Variants in SYCP1 observed in about 807,000 individuals in gnomAD.
SYCP1 encodes the protein synaptonemal complex protein 1.
In SYCP1, 64 loss-of-function variants were observed where a neutral mutation model predicts 153.1. The observed-to-expected ratio is 0.42, with a 90% CI of 0.34 to 0.51. The LOEUF (loss-of-function observed/expected upper bound fraction) is 0.51. Among genes scored for constraint, SYCP1 ranks in the 20% least tolerant of loss-of-function variants. The pLI is 0.06. For missense variants in SYCP1, 997 were observed against 1,049.0 expected (o/e 0.95, Z 0.68); for synonymous variants, 384 against 341.8 (o/e 1.12, Z -1.36).
chr1:114,917,576 G>T (rs1033624089), intron 20 of SYCP1, among the ~76,000 whole-genome samples: 1 of 152,090 alleles, frequency 6.6e-6, no homozygotes, highest in Admixed American at 6.6e-5. Flanking sequence ...CATAGTGGTT[G>T]TACGAATTTA....
At chr1:114,887,744 G>A (rs1395069729) in intron 15 of SYCP1, 51 bp downstream of exon 15, 40 of 1,155,384 alleles carry the variant, frequency 3.5e-5, no homozygotes, top group Non-Finnish European at 4.5e-5. Flanking sequence ...ACTTATTATA[G>A]AATCATAAAC....
At chr1:114,892,737 G>A (rs546643866) in intron 15 of SYCP1, among the ~76,000 whole-genome samples, 1 of 152,098 alleles carries the variant, frequency 6.6e-6, no homozygotes, top group African/African-American at 2.4e-5. Flanking sequence ...GTTGGTAGGG[G>A]GCAGGGTTGC....
chr1:114,882,086 G>A (rs1171293173), intron 12 of SYCP1, among the ~76,000 whole-genome samples: 3 of 152,128 alleles, frequency 2.0e-5, no homozygotes, highest in Non-Finnish European at 2.9e-5. Flanking sequence ...TTGGGAGGCT[G>A]AGGTGGAAGG....
chr1:114,970,308 A>G (rs1046601223), intron 27 of SYCP1, among the ~76,000 whole-genome samples: 2 of 151,316 alleles, frequency 1.3e-5, no homozygotes, highest in African/African-American at 4.9e-5. Context: ...TTTTTTTTCA[A>G]TCATATCCTG....
chr1:114,933,437 G>A (rs1669771900), intron 23 of SYCP1, among the ~76,000 whole-genome samples: 1 of 152,168 alleles, frequency 6.6e-6, no homozygotes, highest in African/African-American at 2.4e-5. Flanking sequence ...AAACCACAAA[G>A]ATGGGGAGAA....
intron 20 of SYCP1, among the ~76,000 whole-genome samples, chr1:114,920,689 A>G (rs1026395552): frequency 1.3e-5 from 2 of 152,060 alleles, no homozygotes; most frequent in Non-Finnish European, 2.9e-5. Flanking sequence ...TGTAATTGTT[A>G]TATTCTCTAG....
chr1:114,962,778 C>G (rs1671862434), intron 27 of SYCP1, among the ~76,000 whole-genome samples: 4 of 151,910 alleles, frequency 2.6e-5, no homozygotes, highest in Admixed American at 2.6e-4. Flanking sequence ...AAGATTTATG[C>G]TTTAAGGAAA....
intron 3 of SYCP1, 53 bp from the exon 4 acceptor site, chr1:114,857,174 AAAAAG>A: frequency 6.0e-6 from 8 of 1,343,088 alleles, no homozygotes; most frequent in Non-Finnish European, 8.1e-6. Context: ...AAAGAAAAAA[AAAAAG>A]AAAGAGAAAA....
intron 28 of SYCP1, 149 bp from the exon 29 acceptor site, chr1:114,981,187 T>C: frequency 1.7e-6 from 1 of 575,024 alleles, no homozygotes; most frequent in South Asian, 2.6e-5. Flanking sequence ...AACTGTAACT[T>C]ATTCAAACTT....
intron 30 of SYCP1, among the ~76,000 whole-genome samples, chr1:114,991,040 C>T (rs1041148559): frequency 7.2e-5 from 11 of 151,864 alleles, no homozygotes; most frequent in African/African-American, 1.7e-4. Flanking sequence ...AATCACCTCA[C>T]GGCTTTTTGA....
intron 27 of SYCP1, among the ~76,000 whole-genome samples, chr1:114,967,553 T>C (rs1005661903): frequency 3.9e-5 from 6 of 152,214 alleles, no homozygotes; most frequent in African/African-American, 1.4e-4. Context: ...CCTCCATCCC[T>C]TTATTTTGAG....
intron 16 of SYCP1, among the ~76,000 whole-genome samples, chr1:114,909,698 T>G (rs1347017979): frequency 2.0e-5 from 3 of 152,132 alleles, no homozygotes; most frequent in Non-Finnish European, 4.4e-5. Flanking sequence ...CATAGAGTAG[T>G]GTAAAGAATG....
chr1:114,877,865 T>C (rs1314593681), intron 11 of SYCP1, among the ~76,000 whole-genome samples: 2 of 152,166 alleles, frequency 1.3e-5, no homozygotes, highest in Admixed American at 1.3e-4. Flanking sequence ...GGAATACCGA[T>C]GTTTAGAGAT....
intron 24 of SYCP1, 132 bp from the exon 25 acceptor site, chr1:114,944,740 A>G (rs754885855): frequency 6.2e-5 from 45 of 722,884 alleles, no homozygotes; most frequent in Non-Finnish European, 4.1e-5. Context: ...CAAACAGTGC[A>G]TTTTCTACTT....
At position 114,944,877 on chromosome 1, in the gene SYCP1, G is replaced by T; in HGVS notation, c.2049G>T (p.Glu683Asp). The T allele has an allele frequency of 6.3e-7, 1 of 1,579,486 alleles. No homozygotes were observed. Among genetic ancestry groups the T allele is most frequent in the Non-Finnish European group, 8.6e-7 (1 of 1,167,860 alleles). Residue 683 changes from glutamate (E) to aspartate (D), a missense_variant, in exon 25 of 32, where the codon GAG (glutamate) becomes GAT (aspartate). Physicochemically the swap from Glu to Asp is conservative, Grantham distance 45. This residue lies in a region of SYCP1 where 712 missense variants were observed against 682.9 expected (regional missense o/e 1.04). Coordinates refer to ENST00000369522, the MANE Select transcript of SYCP1 (RefSeq NM_003176.4). ...ISEENLLEEV[E>D]KAKVIADEAV... ...TTTTTTTGCTTATTTGATAGGTTGAGAAAGCAAAAGTAATAGCTGATGAAG... is the reference window on the plus strand; with the variant it reads ...TTTTTTTGCTTATTTGATAGGTTGATAAAGCAAAAGTAATAGCTGATGAAG...
At chr1:114,970,947 T>C (rs961874526) in intron 27 of SYCP1, among the ~76,000 whole-genome samples, 15 of 152,114 alleles carry the variant, frequency 9.9e-5, no homozygotes, top group South Asian at 6.2e-4. Flanking sequence ...TTAGCCAGGG[T>C]GTTACAGCCG....
At chr1:114,864,571 C>G (rs935572784) in intron 8 of SYCP1, among the ~76,000 whole-genome samples, 1 of 152,014 alleles carries the variant, frequency 6.6e-6, no homozygotes, top group African/African-American at 2.4e-5. Flanking sequence ...TCACCATAAC[C>G]CCCGCATCCC....
intron 27 of SYCP1, among the ~76,000 whole-genome samples, chr1:114,959,754 C>T (rs970440532): frequency 3.3e-5 from 5 of 152,024 alleles, no homozygotes; most frequent in Non-Finnish European, 4.4e-5. Flanking sequence ...CCTTCCCAGC[C>T]TCTGATAATC....
At chr1:114,923,609 A>G (rs1328546295) in intron 21 of SYCP1, 79 bp downstream of exon 21, 2 of 1,351,386 alleles carry the variant, frequency 1.5e-6, no homozygotes, top group Non-Finnish European at 2.0e-6. Flanking sequence ...ACTAAAATAA[A>G]GGGAAGTATA....
Sources: gnomAD v4.1 joint callset for allele counts (sites outside exome capture counted in the v4.1 genomes callset) on GRCh38, gnomAD v4.1.1 for gene constraint, gnomAD v4.1.1 regional missense constraint, MANE v1.5 for transcripts, NCBI Gene and HGNC (gene_info 2026-07-23, HGNC 2026-07-21) for gene names.